The following OTOP1 variants were observed in gnomAD, a reference collection of about 807,000 sequenced individuals.
OTOP1 encodes the protein proton channel OTOP1.
A neutral mutation model predicts 52.9 loss-of-function variants in OTOP1; 59 were observed. The observed-to-expected ratio is 1.12, with a 90% confidence interval of 0.91 to 1.39. OTOP1 has a LOEUF of 1.39. Among genes scored for constraint, OTOP1 ranks in the 40% most tolerant of loss-of-function variants. The pLI, the probability that OTOP1 is intolerant of heterozygous loss-of-function variation, is 0.00. For missense variants in OTOP1, 761 were observed against 800.9 expected (o/e 0.95, Z 0.60); for synonymous variants, 317 against 337.7 (o/e 0.94, Z 0.67).
intron 5 of OTOP1, among the ~76,000 whole-genome samples, chr4:4,196,314 G>A (rs186240189): frequency 6.6e-6 from 1 of 152,166 alleles, no homozygotes; most frequent in Non-Finnish European, 1.5e-5. Context: ...CATTTTGGGA[G>A]GCCAAGGTAG....
Position 4,202,454 on chromosome 4 carries a change from T to C in OTOP1, c.724A>G (p.Thr242Ala). The C allele has an allele frequency of 1.9e-6, 3 of 1,613,786 alleles. No homozygotes were observed. The highest frequency in any genetic ancestry group is 2.5e-6 in the Non-Finnish European group (3 of 1,179,788). ...CACCTCTCTCACCACTCACCTGTTG[T>C]TATGTTCCCAAAACCCAGAGTGATG... ...RLITLGFGNI[T>A]TVLDDHTPQC... Residue 242 changes from threonine to alanine, a missense_variant, in exon 4 of 6, where the codon ACA becomes GCA. Physicochemically the swap from Thr to Ala is moderately conservative, Grantham distance 58 (BLOSUM62 0). Coordinates refer to ENST00000296358, the MANE Select transcript of OTOP1 (RefSeq NM_177998.3).
intron 1 of OTOP1, among the ~76,000 whole-genome samples, chr4:4,215,954 T>C (rs1717138424): frequency 6.6e-6 from 1 of 152,024 alleles, no homozygotes; most frequent in Admixed American, 6.6e-5. Flanking sequence ...TGCACCACCA[T>C]GCCCAGCTAA....
rs547215770 is a variant in OTOP1, at chr4:4,223,577, GCA to G, written c.403+2883_403+2884del. 4.7e-4 allele frequency among the ~76,000 whole-genome samples: 71 copies of G among 150,870 alleles called. No homozygotes were observed. The South Asian group carries it at 0.012, about 26-fold the overall frequency. On this transcript the variant is annotated intron_variant, in intron 1 of 5. Coordinates refer to ENST00000296358, the MANE Select transcript of OTOP1 (RefSeq NM_177998.3). ...GAGTAGAAAAAAAGAAGAAGGAGGA[GCA>G]GAAGGAGAAGGAGAAGGAGGAACAT...
At chr4:4,200,259 G>T (rs898356067) in intron 4 of OTOP1, among the ~76,000 whole-genome samples, 37 of 152,182 alleles carry the variant, frequency 2.4e-4, no homozygotes, top group African/African-American at 8.4e-4. Flanking sequence ...ACTTTGGAAG[G>T]CCGAGGCGGG....
intron 1 of OTOP1, among the ~76,000 whole-genome samples, chr4:4,217,149 G>A (rs1293351036): frequency 6.6e-6 from 1 of 152,134 alleles, no homozygotes; most frequent in Non-Finnish European, 1.5e-5. Flanking sequence ...CTTTCTTCCT[G>A]TGTTCATCCA....
intron 4 of OTOP1, among the ~76,000 whole-genome samples, chr4:4,201,586 G>A (rs1023271807): frequency 6.6e-6 from 1 of 151,878 alleles, no homozygotes; most frequent in Admixed American, 6.6e-5. Flanking sequence ...GCTGGTTGGG[G>A]GTGGTGACTT....
chr4:4,194,705 G>A (rs576625333), intron 5 of OTOP1, among the ~76,000 whole-genome samples: 5 of 152,292 alleles, frequency 3.3e-5, no homozygotes, highest in East Asian at 1.9e-4. Flanking sequence ...GCTTGATAAC[G>A]GAGGCTGGTA....
At chr4:4,219,559 G>C (rs908708740) in intron 1 of OTOP1, among the ~76,000 whole-genome samples, 2 of 151,840 alleles carry the variant, frequency 1.3e-5, no homozygotes, top group Non-Finnish European at 2.9e-5. Flanking sequence ...AAAATTAGCC[G>C]GGCGTGGTGG....
At chr4:4,224,846 G>T (rs895895959) in intron 1 of OTOP1, among the ~76,000 whole-genome samples, 35 of 121,390 alleles carry the variant, frequency 2.9e-4, no homozygotes, top group African/African-American at 1.1e-3. Flanking sequence ...GGCCATGGTG[G>T]CCCATAGAAG....
In OTOP1 at chr4:4,218,402, A is replaced by AC. The variant is rs535359778; in HGVS notation, c.404-5399_404-5398insG. Among the ~76,000 whole-genome samples the AC allele has an allele frequency of 1.3e-3, 193 of 151,526 alleles. 1 individual carries two copies. The highest frequency in any genetic ancestry group is 4.3e-3 in the African/African-American group (179 of 41,236). ...GCGAGACTCCAACTCAAAAAAAAAA[A>AC]AAACCTAAGTTGGAAAAGGACTGGA... On this transcript the variant is annotated intron_variant, in intron 1 of 5. Transcript: ENST00000296358.
intron 2 of OTOP1, among the ~76,000 whole-genome samples, chr4:4,209,366 A>G (rs760858192): frequency 6.6e-6 from 1 of 152,176 alleles, no homozygotes; most frequent in Non-Finnish European, 1.5e-5. Flanking sequence ...CAGTCATCTA[A>G]TGTAGCAAAA....
rs867197309 is a variant in OTOP1 at position 4,197,366 on chromosome 4, G to A, written c.1468C>T (p.Pro490Ser). The A allele has an allele frequency of 6.2e-7, 1 of 1,614,052 alleles. No homozygotes were observed. Among genetic ancestry groups the A allele is most frequent in the Non-Finnish European group, 8.5e-7 (1 of 1,180,032 alleles). ...GCTGGTGGCATGTCCTTGCCCTGGGGAGCCACATCTCTGGCCACACCTCCA... is the reference window on the plus strand; with the variant it reads ...GCTGGTGGCATGTCCTTGCCCTGGGAAGCCACATCTCTGGCCACACCTCCA... ...KSGGVARDVA[P>S]QGKDMPPAAN... Residue 490 changes from proline (P) to serine (S), a missense_variant, in exon 5 of 6, where the codon CCC (proline) becomes TCC (serine). Pro to Ser is a moderately conservative substitution (Grantham distance 74). Around this residue, in one of 3 missense-constraint regions of OTOP1, gnomAD observed 632 missense variants for 619.5 expected, o/e 1.02. Coordinates refer to ENST00000296358, the MANE Select transcript of OTOP1 (RefSeq NM_177998.3).
At chr4:4,221,412 G>A (rs1191562268) in intron 1 of OTOP1, among the ~76,000 whole-genome samples, 3 of 152,080 alleles carry the variant, frequency 2.0e-5, no homozygotes, top group Non-Finnish European at 4.4e-5. Context: ...GACATAGGGA[G>A]ACCCTGTCCT....
chr4:4,207,053 A>G (rs1464018534), intron 2 of OTOP1, among the ~76,000 whole-genome samples: 1 of 152,226 alleles, frequency 6.6e-6, no homozygotes, highest in Non-Finnish European at 1.5e-5. Flanking sequence ...TTTATTCTCT[A>G]GTTATAAAAA....
Position 4,212,857 on chromosome 4 carries a change from C to T in OTOP1, c.540+11G>A, listed in dbSNP as rs749593894. On this transcript the variant is annotated intron_variant, in intron 2 of 5. Coordinates refer to ENST00000296358, the MANE Select transcript of OTOP1 (RefSeq NM_177998.3). ...GGAATGAGACAATATAAATAAACAT[C>T]AGTGGTTTACCTGCAACAAAGTATG... 8.1e-6 allele frequency: 13 copies of T among 1,613,550 alleles called. No individual in the cohort carries two copies. Among genetic ancestry groups the T allele is most frequent in the African/African-American group, 1.3e-5 (1 of 74,906 alleles).
intron 5 of OTOP1, among the ~76,000 whole-genome samples, chr4:4,193,911 G>T (rs1175751163): frequency 6.6e-6 from 1 of 152,210 alleles, no homozygotes; most frequent in Admixed American, 6.5e-5. Flanking sequence ...TATTAGGCCA[G>T]GAGCGGTGGC....
Position 4,197,850 on chromosome 4 carries a change from C to T in OTOP1, c.984G>A (p.Val328=), listed in dbSNP as rs201668887. 6.2e-6 allele frequency: 10 copies of T among 1,614,092 alleles called. No individual in the cohort carries two copies. Among genetic ancestry groups the T allele is most frequent in the Non-Finnish European group, 8.5e-6 (10 of 1,180,036 alleles). Residue 328 remains valine (V), a synonymous_variant, in exon 5 of 6, where the codon GTG becomes GTA. Coordinates refer to ENST00000296358, the MANE Select transcript of OTOP1 (RefSeq NM_177998.3). Reference sequence around the variant, plus strand: ...CAATATGAATCAGGTATACCACCACCACAGCAATGGTGGCGGCCAGCACGG... The same window carrying T: ...CAATATGAATCAGGTATACCACCACTACAGCAATGGTGGCGGCCAGCACGG... ...GLTVLAATIA[V]VVVYLIHIGR... is the part of the protein sequence containing the mutation.
chr4:4,203,091 C>T (rs2108799614), intron 3 of OTOP1, among the ~76,000 whole-genome samples: 1 of 152,380 alleles, frequency 6.6e-6, no homozygotes, highest in Non-Finnish European at 1.5e-5. Flanking sequence ...CCAGAGACTA[C>T]TTGGCAGCTA....
chr4:4,197,903 C>A lies in OTOP1; in HGVS notation c.931G>T (p.Val311Phe), dbSNP rs779906737. The change falls in exon 5 of 6, where the codon GTC becomes TTC. Residue 311 changes from valine to phenylalanine, a missense_variant. By Grantham distance (50) the Val-to-Phe change is conservative. This residue lies in a region of OTOP1 where 632 missense variants were observed against 619.5 expected (regional missense o/e 1.02). Transcript: ENST00000296358. ...HQKMQFKSDG[V>F]MVGAVLGLTV... is the part of the protein sequence containing the mutation. ...AGGCCCAGGACTGCGCCCACCATGA[C>A]CCCATCAGACTTGAACTGCATCTTC... is the stretch of plus-strand genomic sequence containing the variant. 1 of 1,614,030 alleles carries A rather than the reference C, an allele frequency of 6.2e-7. No individual in the cohort carries two copies.
Sources: allele counts gnomAD v4.1 joint callset (sites outside exome capture counted in the v4.1 genomes callset), GRCh38; gene constraint gnomAD v4.1.1; regional missense constraint gnomAD v4.1.1; transcripts MANE v1.5; gene names NCBI Gene and HGNC (gene_info 2026-07-23, HGNC 2026-07-21).